Variants in GPC5 observed in about 807,000 individuals in gnomAD.
The protein encoded by GPC5 is glypican 5.
In GPC5, 47 loss-of-function variants were observed where a neutral mutation model predicts 53.9. The ratio of observed to expected loss-of-function variants is 0.87; its 90% CI spans 0.69 to 1.11. The LOEUF (loss-of-function observed/expected upper bound fraction) is 1.11. GPC5 is among the 50% of genes most tolerant of loss of function. GPC5 has a pLI of 0.00. For missense variants in GPC5, 748 were observed against 713.1 expected (o/e 1.05, Z -0.56); for synonymous variants, 286 against 263.3 (o/e 1.09, Z -0.84).
chr13:92,458,311 G>GC (rs1878351626), intron 7 of GPC5, among the ~76,000 whole-genome samples: 1 of 118,020 alleles, frequency 8.5e-6, no homozygotes, highest in African/African-American at 3.3e-5. Flanking sequence ...TTTGGGGGGG[G>GC]CAGGGTGGGG....
At chr13:92,245,098 C>T (rs1274391209) in intron 7 of GPC5, among the ~76,000 whole-genome samples, 1 of 151,876 alleles carries the variant, frequency 6.6e-6, no homozygotes, top group African/African-American at 2.4e-5. Flanking sequence ...GGCACTCTCC[C>T]AGGCTGCTGG....
chr13:91,733,533 A>G (rs1458863716), intron 4 of GPC5, among the ~76,000 whole-genome samples: 2 of 151,994 alleles, frequency 1.3e-5, no homozygotes, highest in Non-Finnish European at 2.9e-5. Context: ...CTCCTTGAAG[A>G]GGTCCTTCAC....
At chr13:91,866,358 C>G (rs541266593) in intron 5 of GPC5, among the ~76,000 whole-genome samples, 1 of 152,130 alleles carries the variant, frequency 6.6e-6, no homozygotes, top group Non-Finnish European at 1.5e-5. Flanking sequence ...CTCCAAATCT[C>G]ATGTTGAAAT....
chr13:92,699,622 G>A (rs539397086), intron 7 of GPC5, among the ~76,000 whole-genome samples: 122 of 152,202 alleles, frequency 8.0e-4, no homozygotes, highest in African/African-American at 2.2e-3. Flanking sequence ...ATTGTGGTAC[G>A]TTGTGTCTTT....
intron 2 of GPC5, among the ~76,000 whole-genome samples, chr13:91,546,671 G>A (rs1489218083): frequency 6.6e-6 from 1 of 151,974 alleles, no homozygotes; most frequent in South Asian, 2.1e-4. Flanking sequence ...AGTTTCTCTG[G>A]AGCAATTGGA....
At chr13:92,865,031 T>G (rs913527107) in intron 7 of GPC5, among the ~76,000 whole-genome samples, 8 of 152,170 alleles carry the variant, frequency 5.3e-5, no homozygotes, top group Non-Finnish European at 1.0e-4. Context: ...TTCAGTCACT[T>G]AGTCTCAGAA....
At chr13:92,692,338 C>A (rs1887424498) in intron 7 of GPC5, among the ~76,000 whole-genome samples, 1 of 151,922 alleles carries the variant, frequency 6.6e-6, no homozygotes, top group African/African-American at 2.4e-5. Context: ...AATGAATATA[C>A]AGGTGCAAAT....
rs371146818 is a variant in GPC5 at position 91,949,943 on chromosome 13, A to T, written c.1401+41886A>T. On this transcript the variant is annotated intron_variant, in intron 6 of 7. Transcript: ENST00000377067. ...AACCTCTTGGCTTCACCCTTTGGAG[A>T]ATTTGATATCATGGAAAATGGACTG... Among the ~76,000 whole-genome samples the T allele has an allele frequency of 1.3e-3, 199 of 152,104 alleles. 1 individual carries two copies. The highest frequency in any genetic ancestry group is 0.01 in the Middle Eastern group (3 of 294).
At chr13:91,607,675 CGTT>C (rs1566548246) in intron 2 of GPC5, among the ~76,000 whole-genome samples, 1 of 152,194 alleles carries the variant, frequency 6.6e-6, no homozygotes, top group East Asian at 1.9e-4. Flanking sequence ...TATTCCAAGA[CGTT>C]GTTCTTAGCC....
At chr13:91,571,912 ATACACATAT>A (rs1270604656) in intron 2 of GPC5, among the ~76,000 whole-genome samples, 2 of 98,506 alleles carry the variant, frequency 2.0e-5, no homozygotes, top group Non-Finnish European at 4.1e-5. Context: ...TATTGTATAT[ATACACATAT>A]TGTATATATA....
At position 91,952,199 on chromosome 13, in the gene GPC5, G is replaced by GTGTT. The variant is rs1426542946; in HGVS notation, c.1401+44145_1401+44146insTTGT. On this transcript the variant is annotated intron_variant, in intron 6 of 7. Transcript: ENST00000377067. ...TCTCTCTCTCTCTCTCTGTGTGTGT[G>GTGTT]TGTGTGTGTATGTATTTGTGCATAC... is the stretch of plus-strand genomic sequence containing the variant. 3.2e-3 allele frequency among the ~76,000 whole-genome samples: 392 copies of GTGTT among 121,370 alleles called. 1 individual carries two copies. The highest frequency in any genetic ancestry group is 9.4e-3 in the African/African-American group (377 of 40,178). The allele number at this position is 121,370 out of a possible 152,430, so 79.6% of individuals were successfully genotyped here.
intron 7 of GPC5, among the ~76,000 whole-genome samples, chr13:92,183,413 T>C (rs1342687520): frequency 1.3e-5 from 2 of 152,160 alleles, no homozygotes; most frequent in Non-Finnish European, 2.9e-5. Context: ...CATTTATTAA[T>C]CCACTATTTT....
intron 6 of GPC5, among the ~76,000 whole-genome samples, chr13:92,031,812 A>ATTACATATTATATATAATATATAATATG (rs2138808428): frequency 9.8e-6 from 1 of 101,958 alleles, no homozygotes; most frequent in Non-Finnish European, 1.8e-5. Flanking sequence ...TATATAATAT[A>ATTACATATTATATATAATATATAATATG]TTACATATTA....
At chr13:92,613,079 A>T (rs1884492504) in intron 7 of GPC5, among the ~76,000 whole-genome samples, 1 of 150,862 alleles carries the variant, frequency 6.6e-6, no homozygotes, top group African/African-American at 2.4e-5. Flanking sequence ...TACCTAAATG[A>T]TCGAGACTTT....
intron 6 of GPC5, among the ~76,000 whole-genome samples, chr13:92,027,261 T>A (rs2040808048): frequency 6.6e-6 from 1 of 152,166 alleles, no homozygotes; most frequent in Admixed American, 6.5e-5. Context: ...CATATGCTGA[T>A]TTTTTAGCTA....
At chr13:92,325,448 CATT>C (rs528512308) in intron 7 of GPC5, among the ~76,000 whole-genome samples, 336 of 152,164 alleles carry the variant, frequency 2.2e-3, no homozygotes, top group Non-Finnish European at 3.1e-3. Context: ...TTATTCCTGT[CATT>C]ATATCCTAAA....
chr13:91,815,633 T>A (rs2038388097), intron 5 of GPC5, among the ~76,000 whole-genome samples: 2 of 152,124 alleles, frequency 1.3e-5, no homozygotes, highest in Non-Finnish European at 2.9e-5. Context: ...CTCCAGCTGC[T>A]GTCAATGACA....
chr13:91,825,686 G>T (rs939862470), intron 5 of GPC5, among the ~76,000 whole-genome samples: 1 of 152,040 alleles, frequency 6.6e-6, no homozygotes, highest in Admixed American at 6.6e-5. Flanking sequence ...GTGGCTTTTT[G>T]TCAGAGGATG....
chr13:92,163,053 G>T (rs903124994), intron 7 of GPC5, among the ~76,000 whole-genome samples: 2 of 152,042 alleles, frequency 1.3e-5, no homozygotes, highest in African/African-American at 4.8e-5. Context: ...GCTCAGAAAA[G>T]TCTATGTTAA....
Sources: gnomAD v4.1 joint callset for allele counts (sites outside exome capture counted in the v4.1 genomes callset) on GRCh38, gnomAD v4.1.1 for gene constraint, MANE v1.5 for transcripts, NCBI Gene and HGNC (gene_info 2026-07-23, HGNC 2026-07-21) for gene names.